SDK1: variants seen among roughly 807,000 people sequenced by gnomAD.
SDK1 encodes the protein protein sidekick-1.
Under a neutral mutation model 245.5 loss-of-function variants are expected in SDK1, and 157 were observed. The observed-to-expected ratio is 0.64, with a 90% CI of 0.56 to 0.73. The LOEUF (loss-of-function observed/expected upper bound fraction) is 0.73, where lower values mean the gene tolerates loss of function less well. Among genes scored for constraint, SDK1 ranks in the 30% least tolerant of loss-of-function variants. The pLI is 0.00. For synonymous variants in SDK1, 1,647 were observed against 1,278.5 expected (o/e 1.29, Z -6.15); for missense variants, 3,583 against 3,002.3 (o/e 1.19, Z -4.52).
chr7:3,504,342 AC>A (rs1393928128), intron 1 of SDK1, among the ~76,000 whole-genome samples: 1 of 151,728 alleles, frequency 6.6e-6, no homozygotes, highest in Non-Finnish European at 1.5e-5. Flanking sequence ...AATACAAGGG[AC>A]CCAGAATGGC....
intron 1 of SDK1, among the ~76,000 whole-genome samples, chr7:3,536,573 G>C (rs1006623295): frequency 6.6e-6 from 1 of 151,832 alleles, no homozygotes; most frequent in African/African-American, 2.4e-5. Flanking sequence ...TCACCCCTGT[G>C]ATCCCAGCTA....
intron 1 of SDK1, among the ~76,000 whole-genome samples, chr7:3,433,798 A>G (rs1368880000): frequency 6.6e-6 from 1 of 151,288 alleles, no homozygotes; most frequent in Non-Finnish European, 1.5e-5. Flanking sequence ...CATCTTGAAC[A>G]TGGCTCTTGT....
chr7:3,989,306 C>G (rs756636929), intron 14 of SDK1, among the ~76,000 whole-genome samples: 2 of 152,178 alleles, frequency 1.3e-5, no homozygotes, highest in Non-Finnish European at 2.9e-5. Context: ...CTTGTACTAA[C>G]CCTCAGACCT....
chr7:4,106,576 G>C (rs1031280462), intron 22 of SDK1, among the ~76,000 whole-genome samples: 1 of 152,140 alleles, frequency 6.6e-6, no homozygotes, highest in Non-Finnish European at 1.5e-5. Context: ...GATTACAGGC[G>C]TGAGCCACCG....
chr7:3,549,996 TCTGTAATATGC>T (rs1208448093), intron 1 of SDK1, among the ~76,000 whole-genome samples: 3 of 152,158 alleles, frequency 2.0e-5, no homozygotes, highest in African/African-American at 7.2e-5. Flanking sequence ...ATATTTTAAG[TCTGTAATATGC>T]CTATTAAACA....
intron 1 of SDK1, among the ~76,000 whole-genome samples, chr7:3,357,437 T>C: frequency 7.1e-6 from 1 of 140,844 alleles, no homozygotes; most frequent in Non-Finnish European, 1.5e-5. Flanking sequence ...GCAGCCTCAG[T>C]CTCCCTGGGC....
chr7:3,735,025 A>G (rs1251040410), intron 4 of SDK1, among the ~76,000 whole-genome samples: 2 of 152,164 alleles, frequency 1.3e-5, no homozygotes, highest in African/African-American at 4.8e-5. Flanking sequence ...CTGTAATTAC[A>G]GAACGCTCCC....
At chr7:3,988,875 G>C (rs574001474) in intron 14 of SDK1, among the ~76,000 whole-genome samples, 3 of 152,092 alleles carry the variant, frequency 2.0e-5, no homozygotes, top group Admixed American at 2.0e-4. Context: ...GGGTTCAAGC[G>C]ATTCTTCTGC....
intron 25 of SDK1, among the ~76,000 whole-genome samples, chr7:4,121,087 C>T (rs1584202159): frequency 6.6e-6 from 1 of 151,666 alleles, no homozygotes; most frequent in Non-Finnish European, 1.5e-5. Context: ...CAGGGTTTTT[C>T]TTCTGACTTT....
intron 1 of SDK1, among the ~76,000 whole-genome samples, chr7:3,387,949 TTAAG>T (rs1781651718): frequency 6.6e-6 from 1 of 152,208 alleles, no homozygotes; most frequent in Admixed American, 6.5e-5. Flanking sequence ...TAATTTGCTA[TTAAG>T]TGAGAGAACG....
chr7:4,124,570 A>T (rs1485271043), intron 25 of SDK1, among the ~76,000 whole-genome samples: 1 of 152,248 alleles, frequency 6.6e-6, no homozygotes, highest in Non-Finnish European at 1.5e-5. Flanking sequence ...CATCTGCAAC[A>T]ACTGTGTCTC....
intron 1 of SDK1, among the ~76,000 whole-genome samples, chr7:3,570,734 G>T (rs977604151): frequency 2.0e-5 from 3 of 152,284 alleles, no homozygotes; most frequent in Admixed American, 6.5e-5. Flanking sequence ...GTGAGAGTCG[G>T]TGTAATTTAC....
chr7:4,080,598 G>T (rs183377165), intron 22 of SDK1, among the ~76,000 whole-genome samples: 8 of 152,236 alleles, frequency 5.3e-5, no homozygotes, highest in African/African-American at 9.6e-5. Flanking sequence ...TCCTGAAGGC[G>T]CAAACCATCT....
At chr7:4,165,993 T>A (rs1305325220) in intron 32 of SDK1, among the ~76,000 whole-genome samples, 1 of 151,966 alleles carries the variant, frequency 6.6e-6, no homozygotes, top group Non-Finnish European at 1.5e-5. Context: ...CTCACTGTAT[T>A]TCCCAGGCTG....
At chr7:4,040,017 T>C (rs1182026288) in intron 17 of SDK1, among the ~76,000 whole-genome samples, 1 of 152,230 alleles carries the variant, frequency 6.6e-6, no homozygotes, top group Non-Finnish European at 1.5e-5. Flanking sequence ...TGGGTTTGTC[T>C]GTCCCTGCAT....
At chr7:3,752,210 C>G (rs964577906) in intron 4 of SDK1, among the ~76,000 whole-genome samples, 6 of 152,150 alleles carry the variant, frequency 3.9e-5, no homozygotes, top group African/African-American at 1.4e-4. Context: ...TTTATTCACT[C>G]TTATTAGGGA....
chr7:3,430,835 C>A (rs1328852650), intron 1 of SDK1, among the ~76,000 whole-genome samples: 1 of 152,200 alleles, frequency 6.6e-6, no homozygotes, highest in Admixed American at 6.5e-5. Context: ...TGGGGGCTGC[C>A]TGCAGAGCTG....
rs200214922 is a variant in SDK1 at position 4,158,588 on chromosome 7, C to T, written c.4729+37C>T. 137 of 1,491,978 alleles carry T rather than the reference C, an allele frequency of 9.2e-5. No individual in the cohort carries two copies. The East Asian group carries it at 2.8e-3, about 31-fold the overall frequency. The allele number at this position is 1,491,978 out of a possible 1,614,324, so 92.4% of individuals were successfully genotyped here. On this transcript the variant is annotated intron_variant, in intron 31 of 44. Transcript: ENST00000404826. Reference sequence around the variant, plus strand: ...GGGGCCCAGACCGCGTTCCTGGCCGCTGCCCCTGGAGCCCGAGATACTTAG... The same window carrying T: ...GGGGCCCAGACCGCGTTCCTGGCCGTTGCCCCTGGAGCCCGAGATACTTAG...
chr7:3,859,799 C>G (rs1780644589), intron 5 of SDK1, among the ~76,000 whole-genome samples: 1 of 152,180 alleles, frequency 6.6e-6, no homozygotes, highest in African/African-American at 2.4e-5. Flanking sequence ...TCTCCAGATC[C>G]ATTGCAAATA....
Sources: gnomAD v4.1 joint callset for allele counts (sites outside exome capture counted in the v4.1 genomes callset) on GRCh38, gnomAD v4.1.1 for gene constraint, MANE v1.5 for transcripts, NCBI Gene and HGNC (gene_info 2026-07-23, HGNC 2026-07-21) for gene names.